The following SLC6A11 variants were observed in gnomAD, a reference collection of about 807,000 sequenced individuals.
SLC6A11 encodes the protein solute carrier family 6 member 11, also known as sodium- and chloride-dependent GABA transporter 3.
SLC6A11 carries 25 observed loss-of-function variants against 74.8 expected under a neutral mutation model. The observed-to-expected ratio is 0.33, with a 90% CI of 0.24 to 0.47. SLC6A11 has a LOEUF of 0.47. Among genes scored for constraint, SLC6A11 ranks in the 20% least tolerant of loss-of-function variants. The pLI, the probability that SLC6A11 is intolerant of heterozygous loss-of-function variation, is 1.00. For synonymous variants in SLC6A11, 330 were observed against 330.2 expected (o/e 1.00, Z 0.01); for missense variants, 574 against 837.0 (o/e 0.69, Z 3.88).
At chr3:10,836,706 A>G (rs1694372124) in intron 4 of SLC6A11, among the ~76,000 whole-genome samples, 1 of 152,180 alleles carries the variant, frequency 6.6e-6, no homozygotes, top group Admixed American at 6.5e-5. Context: ...GAACATCTCT[A>G]AGGAAGTCTA....
In SLC6A11 at chr3:10,886,677, T is replaced by C. The variant is rs1358417530; in HGVS notation, c.891+11582T>C. Among the ~76,000 whole-genome samples the C allele has an allele frequency of 2.6e-5, 4 of 152,230 alleles. No individual in the cohort carries two copies. The East Asian group carries it at 7.7e-4, about 29-fold the overall frequency. On this transcript the variant is annotated intron_variant, in intron 6 of 13. Transcript: ENST00000254488. The stretch of plus-strand genomic sequence containing the variant: ...CAAAAATTAGCCAGGCATGATGGCA[T>C]GTGCCTGTAGTCCTAGCTACTGGGG...
At chr3:10,919,308 T>G (rs1401414829) in intron 8 of SLC6A11, among the ~76,000 whole-genome samples, 2 of 152,234 alleles carry the variant, frequency 1.3e-5, no homozygotes. Context: ...TGTGTTTACA[T>G]GACAAATGGA....
chr3:10,912,795 C>G (rs1695405029), intron 7 of SLC6A11, among the ~76,000 whole-genome samples: 1 of 152,026 alleles, frequency 6.6e-6, no homozygotes, highest in Non-Finnish European at 1.5e-5. Context: ...GGCAGGGGAC[C>G]TGCCCAAGGT....
chr3:10,926,914 A>G lies in SLC6A11; in HGVS notation c.1233+798A>G, dbSNP rs1695615803. Reference sequence around the variant, plus strand: ...CTAGGAGCCCTGGAGAACTTCCCCCAGCCACAGCCTCCCCGCCTCGGAGAC... The same window carrying G: ...CTAGGAGCCCTGGAGAACTTCCCCCGGCCACAGCCTCCCCGCCTCGGAGAC... On this transcript the variant is annotated intron_variant, in intron 9 of 13. Coordinates refer to ENST00000254488, the MANE Select transcript of SLC6A11 (RefSeq NM_014229.3). This position sits in a 1 kb window ranked among gnomAD's most constrained non-coding sequence, Gnocchi z 5.7. Among the ~76,000 whole-genome samples the G allele has an allele frequency of 1.3e-5, 2 of 152,036 alleles. No homozygotes were observed. Among genetic ancestry groups the G allele is most frequent in the South Asian group, 4.1e-4 (2 of 4,826 alleles).
intron 6 of SLC6A11, among the ~76,000 whole-genome samples, chr3:10,877,466 G>A (rs1344075801): frequency 6.6e-6 from 1 of 152,242 alleles, no homozygotes; most frequent in African/African-American, 2.4e-5. Context: ...AGCAGCATGT[G>A]TGCAGGGTTT....
intron 6 of SLC6A11, among the ~76,000 whole-genome samples, chr3:10,885,593 A>AT (rs1417758654): frequency 7.9e-4 from 78 of 98,882 alleles, no homozygotes; most frequent in Non-Finnish European, 7.4e-4. Context: ...GACAGCCCCC[A>AT]TGATAAAAAA....
At chr3:10,868,119 T>C (rs1030316098) in intron 5 of SLC6A11, among the ~76,000 whole-genome samples, 1 of 152,230 alleles carries the variant, frequency 6.6e-6, no homozygotes, top group African/African-American at 2.4e-5. Context: ...TTTGGATTAG[T>C]CTATCCTTGC....
intron 5 of SLC6A11, among the ~76,000 whole-genome samples, chr3:10,867,219 A>T (rs1415235238): frequency 1.3e-5 from 2 of 152,160 alleles, no homozygotes; most frequent in Admixed American, 1.3e-4. Flanking sequence ...AGGCAAGCTG[A>T]ACACTTGAGG....
chr3:10,879,118 A>G (rs1318422099), intron 6 of SLC6A11, among the ~76,000 whole-genome samples: 1 of 152,120 alleles, frequency 6.6e-6, no homozygotes. Context: ...AGTAAGGGCT[A>G]TTTTCATTTT....
chr3:10,910,254 G>A (rs1288264281), intron 6 of SLC6A11, among the ~76,000 whole-genome samples: 1 of 152,204 alleles, frequency 6.6e-6, no homozygotes, highest in Non-Finnish European at 1.5e-5. Flanking sequence ...ACTTAACACA[G>A]TTGGGCAGAC....
At chr3:10,906,493 C>G (rs1388357959) in intron 6 of SLC6A11, among the ~76,000 whole-genome samples, 2 of 152,166 alleles carry the variant, frequency 1.3e-5, no homozygotes, top group Non-Finnish European at 1.5e-5. Flanking sequence ...CACCAGGAAA[C>G]CCATAAAGCT....
chr3:10,820,907 C>T (rs1158665999), intron 3 of SLC6A11, among the ~76,000 whole-genome samples: 7 of 152,168 alleles, frequency 4.6e-5, no homozygotes, highest in Admixed American at 3.9e-4. Flanking sequence ...GGCCTGCCAT[C>T]GTGAGGGCTG....
At chr3:10,896,287 C>G (rs777574427) in intron 6 of SLC6A11, among the ~76,000 whole-genome samples, 1 of 152,214 alleles carries the variant, frequency 6.6e-6, no homozygotes, top group Non-Finnish European at 1.5e-5. Context: ...CTAGTCAGCC[C>G]CACACACCCT....
chr3:10,855,097 G>A (rs1171960409), intron 5 of SLC6A11, among the ~76,000 whole-genome samples: 1 of 152,084 alleles, frequency 6.6e-6, no homozygotes, highest in African/African-American at 2.4e-5. Context: ...CTATGTGGAT[G>A]GATAGACAGA....
At chr3:10,847,086 A>G (rs1225531992) in intron 5 of SLC6A11, among the ~76,000 whole-genome samples, 1 of 152,180 alleles carries the variant, frequency 6.6e-6, no homozygotes, top group Non-Finnish European at 1.5e-5. Context: ...TTAGGCTTTG[A>G]ACAGCCCCAT....
intron 4 of SLC6A11, among the ~76,000 whole-genome samples, chr3:10,831,658 T>C (rs1694300233): frequency 6.6e-6 from 1 of 152,226 alleles, no homozygotes; most frequent in East Asian, 1.9e-4. Context: ...TACTTTTTTG[T>C]ATTATTTAAA....
chr3:10,838,244 C>G (rs773543797), intron 4 of SLC6A11, among the ~76,000 whole-genome samples: 4 of 152,222 alleles, frequency 2.6e-5, no homozygotes. Flanking sequence ...TGCTGGGAGC[C>G]GGAAGCTTCA....
intron 6 of SLC6A11, among the ~76,000 whole-genome samples, chr3:10,906,805 T>C (rs3821759): frequency 0.36 from 54,335 of 151,722 alleles, 11,157 homozygotes; most frequent in Non-Finnish European, 0.47. Context: ...TAGAGAACAA[T>C]AATTTCAGAA....
chr3:10,933,631 C>T (rs532137875), intron 11 of SLC6A11, among the ~76,000 whole-genome samples: 15 of 152,318 alleles, frequency 9.8e-5, no homozygotes, highest in Admixed American at 3.9e-4. Flanking sequence ...GCTCCCCAAG[C>T]CCAACAGGTG....
Sources: allele counts gnomAD v4.1 joint callset (sites outside exome capture counted in the v4.1 genomes callset), GRCh38; gene constraint gnomAD v4.1.1; non-coding constraint Gnocchi (gnomAD v3.1); transcripts MANE v1.5; gene names NCBI Gene and HGNC (gene_info 2026-07-23, HGNC 2026-07-21).